The following PPARGC1A variants were observed in gnomAD, a reference collection of about 807,000 sequenced individuals.
PPARGC1A encodes the protein peroxisome proliferator-activated receptor gamma coactivator 1-alpha.
Under a neutral mutation model 88.7 loss-of-function variants are expected in PPARGC1A, and 25 were observed. The ratio of observed to expected loss-of-function variants is 0.28; its 90% CI spans 0.21 to 0.39. PPARGC1A has a LOEUF of 0.39. PPARGC1A is among the 10% of genes least tolerant of loss of function. The probability of loss-of-function intolerance (pLI) is 1.00; values close to 1 mark genes in which losing one functional copy is unlikely to be tolerated. For synonymous variants in PPARGC1A, 363 were observed against 355.6 expected, an observed-to-expected ratio of 1.02 and a Z score of -0.24; for missense variants, 880 against 968.7, an observed-to-expected ratio of 0.91 and a Z score of 1.22.
the PPARGC1A span, among the ~76,000 whole-genome samples, chr4:24,468,185 T>C: frequency 6.6e-6 from 1 of 152,214 alleles, no homozygotes; most frequent in South Asian, 2.1e-4. Context: ...CACAGTCAGC[T>C]TTCTGATGGA....
chr4:24,217,777 T>C, the PPARGC1A span, among the ~76,000 whole-genome samples: 1 of 152,040 alleles, frequency 6.6e-6, no homozygotes, highest in Non-Finnish European at 1.5e-5. Context: ...CACTCCAGCC[T>C]GGGCAACAGA....
At chr4:24,006,885 T>C in the PPARGC1A span, among the ~76,000 whole-genome samples, 1 of 152,200 alleles carries the variant, frequency 6.6e-6, no homozygotes, top group Non-Finnish European at 1.5e-5. Flanking sequence ...ACTGCATTCT[T>C]CAACCCACCC....
the PPARGC1A span, among the ~76,000 whole-genome samples, chr4:24,108,454 T>C: frequency 1.3e-5 from 2 of 152,188 alleles, no homozygotes; most frequent in Non-Finnish European, 2.9e-5. Context: ...AGTATTATTA[T>C]ACTATACTAA....
chr4:24,226,711 C>T, the PPARGC1A span, among the ~76,000 whole-genome samples: 1 of 152,210 alleles, frequency 6.6e-6, no homozygotes, highest in Non-Finnish European at 1.5e-5. Flanking sequence ...GCAAGTCACA[C>T]AACCTGCCAG....
At chr4:24,433,031 T>C in the PPARGC1A span, among the ~76,000 whole-genome samples, 2 of 152,182 alleles carry the variant, frequency 1.3e-5, no homozygotes, top group East Asian at 3.8e-4. Flanking sequence ...TACTTCCCCA[T>C]GAAAAGAACT....
At chr4:24,226,198 C>G in the PPARGC1A span, among the ~76,000 whole-genome samples, 11 of 152,282 alleles carry the variant, frequency 7.2e-5, no homozygotes, top group Admixed American at 5.9e-4. Flanking sequence ...CTTAAATGTG[C>G]TCACGTTTGT....
the PPARGC1A span, among the ~76,000 whole-genome samples, chr4:23,930,230 T>C: frequency 6.6e-6 from 1 of 152,184 alleles, no homozygotes; most frequent in Non-Finnish European, 1.5e-5. Context: ...ACAAAATCCC[T>C]CTCCACCATG....
At chr4:24,047,987 A>G in the PPARGC1A span, among the ~76,000 whole-genome samples, 1 of 152,216 alleles carries the variant, frequency 6.6e-6, no homozygotes, top group Non-Finnish European at 1.5e-5. Context: ...TAAATGGGCA[A>G]ATATATATCT....
At chr4:24,133,522 T>C in the PPARGC1A span, among the ~76,000 whole-genome samples, 1 of 152,196 alleles carries the variant, frequency 6.6e-6, no homozygotes, top group African/African-American at 2.4e-5. Flanking sequence ...TTTGTTTCGT[T>C]ATCACGTCTT....
the PPARGC1A span, among the ~76,000 whole-genome samples, chr4:24,298,531 T>C: frequency 6.6e-6 from 1 of 152,164 alleles, no homozygotes; most frequent in Admixed American, 6.5e-5. Flanking sequence ...GCATTCTCCA[T>C]TGCCCACATG....
chr4:24,113,438 C>T, the PPARGC1A span, among the ~76,000 whole-genome samples: 1 of 152,160 alleles, frequency 6.6e-6, no homozygotes. Flanking sequence ...TTGTGGCTAA[C>T]AAGGGAGACA....
At chr4:24,132,605 T>C in the PPARGC1A span, among the ~76,000 whole-genome samples, 1 of 152,366 alleles carries the variant, frequency 6.6e-6, no homozygotes, top group South Asian at 2.1e-4. Flanking sequence ...ATATATCTAA[T>C]GCAAAATGTT....
At chr4:24,112,444 T>C in the PPARGC1A span, among the ~76,000 whole-genome samples, 1 of 152,204 alleles carries the variant, frequency 6.6e-6, no homozygotes, top group Non-Finnish European at 1.5e-5. Flanking sequence ...GGCTGAATTT[T>C]ACCACAAGCC....
the PPARGC1A span, among the ~76,000 whole-genome samples, chr4:24,387,811 A>G: frequency 3.6e-5 from 4 of 110,522 alleles, no homozygotes; most frequent in Admixed American, 1.0e-4. Context: ...AAAGAAAGAA[A>G]GAAAGAAAGA....
chr4:24,087,354 C>T, the PPARGC1A span, among the ~76,000 whole-genome samples: 1 of 152,174 alleles, frequency 6.6e-6, no homozygotes, highest in African/African-American at 2.4e-5. Flanking sequence ...CTCCGTGATA[C>T]ACCTTGATCC....
chr4:24,237,234 G>A, the PPARGC1A span, among the ~76,000 whole-genome samples: 6 of 151,022 alleles, frequency 4.0e-5, no homozygotes, highest in Admixed American at 6.6e-5. Context: ...TAGTAATTCC[G>A]AGATTGGATT....
chr4:23,814,154 C>A lies in PPARGC1A; in HGVS notation c.1329G>T (p.Gln443His). 5 of 1,614,094 alleles carry A rather than the reference C, an allele frequency of 3.1e-6. No homozygotes were observed. Among genetic ancestry groups the A allele is most frequent in the South Asian group, 1.1e-5 (1 of 91,078 alleles). Residue 443 changes from glutamine (Q) to histidine (H), a missense_variant, in exon 8 of 13, where the codon CAG becomes CAT. Physicochemically the swap from Gln to His is conservative, Grantham distance 24. Transcript: ENST00000264867. ...YLRETLEASK[Q>H]VSPCSTRKQL... Reference sequence around the variant, plus strand: ...GTTTTCTTGTGCTGCAAGGAGAGACCTGCTTGCTTGCCTCCAAAGTCTCTC... The same window carrying A: ...GTTTTCTTGTGCTGCAAGGAGAGACATGCTTGCTTGCCTCCAAAGTCTCTC...
At chr4:23,985,495 A>T in the PPARGC1A span, among the ~76,000 whole-genome samples, 16 of 146,752 alleles carry the variant, frequency 1.1e-4, no homozygotes, top group East Asian at 2.0e-4. Flanking sequence ...TTTGCTGACC[A>T]CACTTGAACT....
At chr4:24,399,171 C>T in the PPARGC1A span, among the ~76,000 whole-genome samples, 4 of 152,150 alleles carry the variant, frequency 2.6e-5, no homozygotes, top group Non-Finnish European at 5.9e-5. Flanking sequence ...TCCCGCCAAG[C>T]TTCCACCTTC....
Sources: allele counts gnomAD v4.1 joint callset (sites outside exome capture counted in the v4.1 genomes callset), GRCh38; gene constraint gnomAD v4.1.1; transcripts MANE v1.5; gene names NCBI Gene and HGNC (gene_info 2026-07-23, HGNC 2026-07-21).